The following THOC2 variants were observed in gnomAD, a reference collection of about 807,000 sequenced individuals.
THOC2 encodes THO complex 2.
A neutral mutation model predicts 128.4 loss-of-function variants in THOC2; 10 were observed. That is an observed-to-expected ratio of 0.08 (90% CI 0.05 to 0.13). The LOEUF (loss-of-function observed/expected upper bound fraction) is 0.13. THOC2 is among the 10% of genes least tolerant of loss of function. The pLI, the probability that THOC2 is intolerant of heterozygous loss-of-function variation, is 1.00. For missense variants in THOC2, 535 were observed against 1,155.7 expected (o/e 0.46, Z 7.79); for synonymous variants, 393 against 396.9 (o/e 0.99, Z 0.12).
intron 34 of THOC2, 121 bp downstream of exon 34, chrX:123,613,931 C>T: frequency 6.3e-6 from 5 of 793,438 alleles, no homozygotes; most frequent in Non-Finnish European, 8.9e-6. Flanking sequence ...GTAAAAATAT[C>T]AATAAAATCA....
intron 38 of THOC2, among the ~76,000 whole-genome samples, chrX:123,605,064 C>T (rs1331856236): frequency 8.9e-6 from 1 of 112,150 alleles, no homozygotes; most frequent in Admixed American, 9.4e-5. Flanking sequence ...ATACTGCAAC[C>T]TAGGAATTCT....
intron 19 of THOC2, 44 bp from the exon 20 acceptor site, chrX:123,634,114 A>C: frequency 1.3e-6 from 1 of 747,272 alleles, no homozygotes; most frequent in Non-Finnish European, 2.0e-6. Context: ...TAGAACTTCA[A>C]ATATAAAAGT....
intron 30 of THOC2, 133 bp from the exon 31 acceptor site, chrX:123,621,720 C>G: frequency 2.0e-6 from 1 of 501,869 alleles, no homozygotes; most frequent in African/African-American, 2.4e-5. Context: ...CCTTTGAAAA[C>G]TAAAGGACAA....
intron 8 of THOC2, among the ~76,000 whole-genome samples, chrX:123,684,163 C>T (rs985068181): frequency 7.2e-5 from 8 of 111,860 alleles, no homozygotes; most frequent in African/African-American, 2.6e-4. Flanking sequence ...TTCTAAAACT[C>T]ACATTCAACT....
intron 7 of THOC2, among the ~76,000 whole-genome samples, chrX:123,692,394 G>T (rs2050258066): frequency 9.0e-6 from 1 of 111,037 alleles, no homozygotes; most frequent in South Asian, 3.7e-4. Context: ...ATGCATAATG[G>T]TTCTGCTTCC....
chrX:123,613,357 T>G (rs755167134), intron 36 of THOC2, 42 bp downstream of exon 36: 2 of 1,147,760 alleles, frequency 1.7e-6, no homozygotes, highest in African/African-American at 3.6e-5. Flanking sequence ...GGATTGATTT[T>G]TTTAAGATAA....
chrX:123,714,814 C>T (rs1429674966), intron 1 of THOC2, among the ~76,000 whole-genome samples: 1 of 110,969 alleles, frequency 9.0e-6, no homozygotes, highest in Non-Finnish European at 1.9e-5. Flanking sequence ...TGGAATAAAA[C>T]TAGATATCAA....
chrX:123,652,039 C>T (rs1300694686), intron 12 of THOC2, among the ~76,000 whole-genome samples: 1 of 111,798 alleles, frequency 8.9e-6, no homozygotes, highest in African/African-American at 3.3e-5. Flanking sequence ...CAATAAAATA[C>T]TGGCAAAACC....
chrX:123,678,204 C>T (rs1422808516), intron 8 of THOC2, among the ~76,000 whole-genome samples: 2 of 110,550 alleles, frequency 1.8e-5, no homozygotes, highest in Non-Finnish European at 3.8e-5. Flanking sequence ...GCAGACAATG[C>T]GCCATGTACA....
At chrX:123,659,614 G>C (rs2048749282) in intron 12 of THOC2, among the ~76,000 whole-genome samples, 1 of 112,025 alleles carries the variant, frequency 8.9e-6, no homozygotes, top group Non-Finnish European at 1.9e-5. Flanking sequence ...TGATTACAAG[G>C]CATGCTGAAG....
chrX:123,683,678 T>A (rs1036516409), intron 8 of THOC2, among the ~76,000 whole-genome samples: 8 of 108,634 alleles, frequency 7.4e-5, no homozygotes, highest in African/African-American at 2.7e-4. Context: ...GGCTCACCGC[T>A]ACCTCCACAC....
intron 7 of THOC2, among the ~76,000 whole-genome samples, 181 bp downstream of exon 7, chrX:123,695,840 T>G (rs896542552): frequency 9.0e-6 from 1 of 110,796 alleles, no homozygotes; most frequent in African/African-American, 3.3e-5. Context: ...TTCTCACAAA[T>G]ATCATGCTAA....
At chrX:123,631,582 G>T in intron 22 of THOC2, 106 bp downstream of exon 22, 1 of 868,522 alleles carries the variant, frequency 1.2e-6, no homozygotes, top group Non-Finnish European at 1.6e-6. Flanking sequence ...CCTAGTTTAG[G>T]GCCAAGACCT....
chrX:123,639,716 T>C (rs192518465), intron 16 of THOC2, among the ~76,000 whole-genome samples: 14 of 111,540 alleles, frequency 1.3e-4, no homozygotes, highest in Non-Finnish European at 2.3e-4. Context: ...TGCTCACTAT[T>C]TGGGTGAGGA....
At chrX:123,687,706 G>A (rs745848389) in intron 7 of THOC2, among the ~76,000 whole-genome samples, 6 of 111,594 alleles carry the variant, frequency 5.4e-5, no homozygotes, top group Non-Finnish European at 7.5e-5. Flanking sequence ...GTCATTTCAC[G>A]TTTCATACTA....
At chrX:123,714,808 A>T (rs2051336823) in intron 1 of THOC2, among the ~76,000 whole-genome samples, 2 of 111,726 alleles carry the variant, frequency 1.8e-5, no homozygotes. Context: ...ACACAATGGA[A>T]TAAAACTAGA....
chrX:123,723,141 C>CA (rs766284183), intron 1 of THOC2, among the ~76,000 whole-genome samples: 1 of 110,724 alleles, frequency 9.0e-6, no homozygotes, highest in Non-Finnish European at 1.9e-5. Context: ...ATCACGCCAC[C>CA]ACCGCACTCC....
At chrX:123,624,422 A>T in intron 26 of THOC2, 119 bp downstream of exon 26, 1 of 836,712 alleles carries the variant, frequency 1.2e-6, no homozygotes, top group Non-Finnish European at 1.7e-6. Context: ...GTGCTTATAA[A>T]CACAGTTTTA....
At chrX:123,601,746 A>AG (rs2046290580) in intron 38 of THOC2, 1 of 110,847 alleles carries the variant, frequency 9.0e-6, no homozygotes, top group Non-Finnish European at 1.9e-5. Flanking sequence ...GGGTGGGGGT[A>AG]GGGAGAAAAA....
Sources: gnomAD v4.1 joint callset for allele counts (sites outside exome capture counted in the v4.1 genomes callset) on GRCh38, gnomAD v4.1.1 for gene constraint, MANE v1.5 for transcripts, NCBI Gene and HGNC (gene_info 2026-07-23, HGNC 2026-07-21) for gene names.